The following SLC9A6 variants were observed in gnomAD, a reference collection of about 807,000 sequenced individuals.
The protein encoded by SLC9A6 is sodium/hydrogen exchanger 6.
SLC9A6 carries 6 observed loss-of-function variants against 45.3 expected under a neutral mutation model. The ratio of observed to expected loss-of-function variants is 0.13; its 90% CI spans 0.07 to 0.26. The LOEUF is 0.26. SLC9A6 is among the 10% of genes least tolerant of loss of function. The pLI is 1.00. For missense variants in SLC9A6, 278 were observed against 503.7 expected (o/e 0.55, Z 4.29); for synonymous variants, 191 against 187.7 (o/e 1.02, Z -0.14).
rs1434354302 is a variant in SLC9A6 at position 135,990,221 on chromosome X, T to C, written c.169+4394T>C. Among the ~76,000 whole-genome samples the C allele has an allele frequency of 2.7e-5, 3 of 111,394 alleles. No individual in the cohort carries two copies. The East Asian group carries it at 8.5e-4, about 32-fold the overall frequency. ...CAGGATGGTCTCGATCTCCTGACCTTGTGATCCACCCACCTCGGCCTCCCA... is the reference window on the plus strand; with the variant it reads ...CAGGATGGTCTCGATCTCCTGACCTCGTGATCCACCCACCTCGGCCTCCCA... On this transcript the variant is annotated intron_variant, in intron 2 of 17. Coordinates refer to ENST00000630721, the MANE Select transcript of SLC9A6 (RefSeq NM_001379110.1).
chrX:136,028,440 GT>G (rs1452597206), intron 13 of SLC9A6, among the ~76,000 whole-genome samples: 2 of 112,208 alleles, frequency 1.8e-5, no homozygotes, highest in Non-Finnish European at 3.8e-5. Context: ...CAGGGGCCAT[GT>G]TTAATTCATT....
chrX:136,026,973 A>G (rs951967785), intron 13 of SLC9A6, among the ~76,000 whole-genome samples: 2 of 111,756 alleles, frequency 1.8e-5, no homozygotes, highest in Non-Finnish European at 3.8e-5. Flanking sequence ...GGATGCTGCT[A>G]AACATGCTAC....
intron 2 of SLC9A6, among the ~76,000 whole-genome samples, chrX:135,991,273 T>A (rs1163849630): frequency 6.4e-5 from 7 of 109,363 alleles, no homozygotes; most frequent in Admixed American, 5.9e-4. Context: ...TTTTTTTTTT[T>A]TTGGACAGAG....
At chrX:136,021,314 C>T (rs2071123677) in intron 11 of SLC9A6, among the ~76,000 whole-genome samples, 1 of 111,686 alleles carries the variant, frequency 9.0e-6, no homozygotes, top group African/African-American at 3.3e-5. Flanking sequence ...AACTCCCATT[C>T]TAACAGTAAG....
chrX:136,041,104 T>C (rs782709553), intron 17 of SLC9A6, among the ~76,000 whole-genome samples: 2 of 109,158 alleles, frequency 1.8e-5, no homozygotes, highest in South Asian at 8.0e-4. Flanking sequence ...GGTGACAGAG[T>C]GAGACTCTGT....
intron 6 of SLC9A6, among the ~76,000 whole-genome samples, chrX:135,999,516 T>C (rs782813173): frequency 4.5e-5 from 5 of 112,152 alleles, no homozygotes; most frequent in Admixed American, 9.5e-5. Context: ...TTTATAAAAT[T>C]GGCTTTATGA....
At chrX:136,038,180 T>C (rs1556622003) in intron 16 of SLC9A6, among the ~76,000 whole-genome samples, 1 of 111,948 alleles carries the variant, frequency 8.9e-6, no homozygotes, top group East Asian at 2.8e-4. Context: ...TTTGGATATA[T>C]CCTTTAGCAG....
intron 7 of SLC9A6, among the ~76,000 whole-genome samples, chrX:136,006,952 C>T (rs968114824): frequency 1.0e-4 from 11 of 110,394 alleles, no homozygotes; most frequent in Non-Finnish European, 2.1e-4. Flanking sequence ...CTGCTACCTC[C>T]GCCTCCCAGG....
chrX:135,997,552 C>T (rs868913081), intron 3 of SLC9A6, among the ~76,000 whole-genome samples: 3 of 104,422 alleles, frequency 2.9e-5, no homozygotes, highest in Non-Finnish European at 2.0e-5. Flanking sequence ...GGATTACAGG[C>T]ACACGCCACC....
intron 6 of SLC9A6, among the ~76,000 whole-genome samples, chrX:136,001,502 C>G (rs967885320): frequency 9.0e-6 from 1 of 111,140 alleles, no homozygotes; most frequent in Non-Finnish European, 1.9e-5. Flanking sequence ...AATTGCTTTC[C>G]TAAAAGGAGG....
At chrX:135,998,012 TA>T in intron 3 of SLC9A6, 95 bp from the exon 4 acceptor site, 1 of 525,994 alleles carries the variant, frequency 1.9e-6, no homozygotes, top group East Asian at 3.4e-5. Flanking sequence ...TGCCTTTGAC[TA>T]GTTTAACATA....
Position 136,044,767 on chromosome X carries a change from T to G in SLC9A6, c.*43T>G. On this transcript the variant is annotated 3_prime_UTR_variant, in exon 18 of 18. Transcript: ENST00000630721. Reference sequence around the variant, plus strand: ...TAGTGATTTGTAAAATTTGCACATGTGATTGTGAAGAAATTTGTACTACCT... The same window carrying G: ...TAGTGATTTGTAAAATTTGCACATGGGATTGTGAAGAAATTTGTACTACCT... 8.6e-7 allele frequency: 1 copy of G among 1,164,835 alleles called. No individual in the cohort carries two copies. Among genetic ancestry groups the G allele is most frequent in the African/African-American group, 1.8e-5 (1 of 56,992 alleles).
In SLC9A6 at chrX:136,044,728, TAC is replaced by T. The variant is rs781795776; in HGVS notation, c.*5_*6del. ...TACGAGACATGGTCCAGCCTAAGCT[TAC>T]TAATACTCACTTAGTGATTTGTAAA... On this transcript the variant is annotated 3_prime_UTR_variant, in exon 18 of 18. Coordinates refer to ENST00000630721, the MANE Select transcript of SLC9A6 (RefSeq NM_001379110.1). 2.2e-3 allele frequency: 2,613 copies of T among 1,207,658 alleles called. 2 individuals are homozygous for T. The highest frequency in any genetic ancestry group is 2.7e-3 in the Non-Finnish European group (2,445 of 892,893).
Position 135,998,344 on chromosome X carries a change from T to A in SLC9A6, c.448-138T>A. ...GAAATTTATACCTGTACAAGAATGC[T>A]TTCTCTTATTTATCCTAGTGAATAA... On this transcript the variant is annotated intron_variant, in intron 4 of 17. Transcript: ENST00000630721. 5 of 556,539 alleles carry A rather than the reference T, an allele frequency of 9.0e-6. No homozygotes were observed. In the Middle Eastern group the frequency reaches 1.7e-3, roughly 190 times the overall value. The allele number at this position is 556,539 out of a possible 1,213,427, so 45.9% of individuals were successfully genotyped here. A position where few individuals can be genotyped will look rare whatever the true frequency, so the allele number is the denominator to read the frequency against.
intron 14 of SLC9A6, chrX:136,029,892 T>C (rs1425871207): frequency 2.2e-5 from 9 of 417,137 alleles, no homozygotes; most frequent in Non-Finnish European, 3.8e-5. Flanking sequence ...TTTCTGAAAC[T>C]GGTAAGTAAG....
intron 7 of SLC9A6, among the ~76,000 whole-genome samples, chrX:136,005,749 C>A (rs1569524612): frequency 9.0e-6 from 1 of 110,748 alleles, no homozygotes; most frequent in Non-Finnish European, 1.9e-5. Context: ...TCTTCTCTTG[C>A]AGCCTTTCTC....
upstream of SLC9A6, among the ~76,000 whole-genome samples, chrX:135,982,019 G>A (rs781813948): frequency 8.9e-6 from 1 of 112,447 alleles, no homozygotes; most frequent in South Asian, 3.7e-4. Flanking sequence ...ATTATTGATG[G>A]ACACAGAAAT....
intron 6 of SLC9A6, 77 bp from the exon 7 acceptor site, chrX:136,002,029 ACT>A (rs1342183897): frequency 3.1e-5 from 20 of 649,085 alleles, no homozygotes; most frequent in Non-Finnish European, 5.1e-5. Flanking sequence ...TTTCTAAATA[ACT>A]CTCAGAGTCA....
At chrX:135,995,028 C>A in intron 3 of SLC9A6, 43 bp downstream of exon 3, 1 of 883,088 alleles carries the variant, frequency 1.1e-6, no homozygotes, top group Non-Finnish European at 1.7e-6. Flanking sequence ...TTGTGTCTAA[C>A]TAGCAGCAAA....
Sources: allele counts gnomAD v4.1 joint callset (sites outside exome capture counted in the v4.1 genomes callset), GRCh38; gene constraint gnomAD v4.1.1; transcripts MANE v1.5; gene names NCBI Gene and HGNC (gene_info 2026-07-23, HGNC 2026-07-21).